The following AUTS2 variants were observed in gnomAD, a reference collection of about 807,000 sequenced individuals.
AUTS2 encodes activator of transcription and developmental regulator AUTS2.
In AUTS2, 17 loss-of-function variants were observed where a neutral mutation model predicts 112.4. The ratio of observed to expected loss-of-function variants is 0.15; its 90% CI spans 0.10 to 0.23. The LOEUF (loss-of-function observed/expected upper bound fraction) is 0.23, where lower values mean the gene tolerates loss of function less well. AUTS2 is among the 10% of genes least tolerant of loss of function. The probability of loss-of-function intolerance (pLI) is 1.00; values close to 1 mark genes in which losing one functional copy is unlikely to be tolerated. For missense variants in AUTS2, 1,510 were observed against 1,701.6 expected (o/e 0.89, Z 1.98); for synonymous variants, 751 against 702.7 (o/e 1.07, Z -1.09).
chr7:70,256,394 T>C (rs1012982897), intron 4 of AUTS2, among the ~76,000 whole-genome samples: 4 of 152,318 alleles, frequency 2.6e-5, no homozygotes, highest in South Asian at 4.1e-4. Flanking sequence ...GCAATGGTGG[T>C]GTCGCCCACT....
intron 4 of AUTS2, among the ~76,000 whole-genome samples, chr7:70,182,371 T>C (rs1434036990): frequency 2.6e-5 from 4 of 152,198 alleles, no homozygotes; most frequent in Admixed American, 2.6e-4. Context: ...TTACTCAGTT[T>C]TCAAGATCCA....
chr7:70,454,750 G>A (rs1796667089), intron 5 of AUTS2, among the ~76,000 whole-genome samples: 1 of 152,122 alleles, frequency 6.6e-6, no homozygotes, highest in Non-Finnish European at 1.5e-5. Flanking sequence ...GGAGGAAAGT[G>A]GGCTTAAGGT....
chr7:69,614,340 C>CTTTCTTTCTTTCTTTTCTTTCT (rs1793217229), intron 1 of AUTS2, among the ~76,000 whole-genome samples: 5 of 60,462 alleles, frequency 8.3e-5, no homozygotes, highest in Admixed American at 1.7e-4. Flanking sequence ...TTCTTTCTTT[C>CTTTCTTTCTTTCTTTTCTTTCT]TTTCTTTCTT....
In AUTS2 at chr7:69,882,808, T is replaced by G. The variant is rs74999674; in HGVS notation, c.310-16478T>G. 2.9e-3 allele frequency among the ~76,000 whole-genome samples: 440 copies of G among 152,292 alleles called. 3 individuals carry two copies. Among genetic ancestry groups the G allele is most frequent in the African/African-American group, 0.01 (426 of 41,558 alleles). Reference sequence around the variant, plus strand: ...TGCTTGGCACATTCAATGACACTCATTAAACACAATCTTGAGGATATATGG... The same window carrying G: ...TGCTTGGCACATTCAATGACACTCAGTAAACACAATCTTGAGGATATATGG... On this transcript the variant is annotated intron_variant, in intron 1 of 18. Transcript: ENST00000342771.
intron 4 of AUTS2, among the ~76,000 whole-genome samples, chr7:70,303,400 A>G (rs967047287): frequency 6.6e-6 from 1 of 151,750 alleles, no homozygotes; most frequent in Admixed American, 6.6e-5. Context: ...ATACACATGC[A>G]CATGTGTGCA....
At chr7:70,348,366 T>C (rs1436188370) in intron 4 of AUTS2, among the ~76,000 whole-genome samples, 1 of 152,062 alleles carries the variant, frequency 6.6e-6, no homozygotes, top group Non-Finnish European at 1.5e-5. Flanking sequence ...TAAGAAAAAA[T>C]AAAAGAAACC....
rs373706139 is a variant in AUTS2 at position 70,426,786 on chromosome 7, T to G, written c.661-8966T>G. ...TTTTAGCTAGCTCATATCACTGCAA[T>G]CAAAGCAATTGGCTTCCCAGGCAGA... On this transcript the variant is annotated intron_variant, in intron 4 of 18. Transcript: ENST00000342771. Among the ~76,000 whole-genome samples, 12 of 151,684 alleles carry G rather than the reference T, an allele frequency of 7.9e-5. No individual in the cohort carries two copies. In the East Asian group the frequency reaches 1.9e-3, roughly 24 times the overall value.
chr7:69,992,631 A>C (rs1441468760), intron 2 of AUTS2, among the ~76,000 whole-genome samples: 1 of 152,168 alleles, frequency 6.6e-6, no homozygotes, highest in African/African-American at 2.4e-5. Context: ...GCCGAGGATT[A>C]TAGGAGTTTA....
chr7:70,605,844 G>T (rs991616691), intron 5 of AUTS2, among the ~76,000 whole-genome samples: 1 of 152,198 alleles, frequency 6.6e-6, no homozygotes, highest in Non-Finnish European at 1.5e-5. Flanking sequence ...ATTAGAAAGA[G>T]AAATGTTATG....
At chr7:70,492,294 C>T (rs569506883) in intron 5 of AUTS2, among the ~76,000 whole-genome samples, 9 of 151,932 alleles carry the variant, frequency 5.9e-5, no homozygotes, top group South Asian at 2.1e-4. Context: ...AGCCATTGAG[C>T]GAATCCAGCC....
rs1479015562 is a variant in AUTS2 at position 70,539,758 on chromosome 7, G to A, written c.690+103977G>A. On this transcript the variant is annotated intron_variant, in intron 5 of 18. Transcript: ENST00000342771. The stretch of plus-strand genomic sequence containing the variant: ...AATGGGCGTCTGTGGGAGAGTGGCA[G>A]CAATTTTTAAAATCCTGCCAGTGCT... Among the ~76,000 whole-genome samples, 3 of 152,164 alleles carry A rather than the reference G, an allele frequency of 2.0e-5. No individual in the cohort carries two copies. In the East Asian group the frequency reaches 5.8e-4, roughly 29 times the overall value.
At chr7:70,778,518 C>T (rs1166565890) in intron 14 of AUTS2, among the ~76,000 whole-genome samples, 1 of 151,782 alleles carries the variant, frequency 6.6e-6, no homozygotes, top group Non-Finnish European at 1.5e-5. Context: ...AGGAGAACCC[C>T]TTGAGCCTGG....
chr7:70,516,933 G>A (rs1799440608), intron 5 of AUTS2, among the ~76,000 whole-genome samples: 1 of 152,096 alleles, frequency 6.6e-6, no homozygotes, highest in Non-Finnish European at 1.5e-5. Flanking sequence ...AAAAAAATGT[G>A]AGGGATTTGT....
At chr7:69,762,973 A>G (rs1788259193) in intron 1 of AUTS2, among the ~76,000 whole-genome samples, 1 of 152,184 alleles carries the variant, frequency 6.6e-6, no homozygotes, top group Admixed American at 6.5e-5. Flanking sequence ...CCATTCCACC[A>G]TACACCTTCA....
intron 1 of AUTS2, among the ~76,000 whole-genome samples, chr7:69,885,997 G>A (rs1794255250): frequency 6.6e-6 from 1 of 152,184 alleles, no homozygotes; most frequent in African/African-American, 2.4e-5. Flanking sequence ...TGGAAAATGT[G>A]CTCTGGAGGC....
At chr7:70,367,582 A>G (rs1792641626) in intron 4 of AUTS2, among the ~76,000 whole-genome samples, 1 of 151,644 alleles carries the variant, frequency 6.6e-6, no homozygotes, top group Non-Finnish European at 1.5e-5. Flanking sequence ...GTAAAAAATA[A>G]TAATAATAAT....
intron 2 of AUTS2, among the ~76,000 whole-genome samples, chr7:69,999,839 G>A (rs1163350633): frequency 2.6e-5 from 4 of 152,192 alleles, no homozygotes; most frequent in Admixed American, 2.6e-4. Context: ...GCTTGTGGAA[G>A]TGGGCTTTAG....
intron 5 of AUTS2, among the ~76,000 whole-genome samples, chr7:70,644,891 T>C (rs1268470669): frequency 6.6e-6 from 1 of 152,104 alleles, no homozygotes; most frequent in East Asian, 1.9e-4. Flanking sequence ...GGCCCAGAAG[T>C]GTTTCTCCTG....
At chr7:70,785,873 C>T in intron 16 of AUTS2, 82 bp from the exon 17 acceptor site, 1 of 1,314,164 alleles carries the variant, frequency 7.6e-7, no homozygotes, top group South Asian at 1.2e-5. Flanking sequence ...AGGGATCCCG[C>T]ATCGCCCTGC....
Sources: allele counts gnomAD v4.1 joint callset (sites outside exome capture counted in the v4.1 genomes callset), GRCh38; gene constraint gnomAD v4.1.1; transcripts MANE v1.5; gene names NCBI Gene and HGNC (gene_info 2026-07-23, HGNC 2026-07-21).